The following TMCC3 variants were observed in gnomAD, a reference collection of about 807,000 sequenced individuals.
TMCC3 encodes the protein transmembrane and coiled-coil domain family 3, also known as transmembrane and coiled-coil domain protein 3.
In TMCC3, 28 loss-of-function variants were observed where a neutral mutation model predicts 40.2. The observed-to-expected ratio is 0.70, with a 90% CI of 0.52 to 0.95. TMCC3 has a LOEUF of 0.95. Among genes scored for constraint, TMCC3 ranks in the 40% least tolerant of loss-of-function variants. The pLI is 0.00. For missense variants in TMCC3, 554 were observed against 615.2 expected (o/e 0.90, Z 1.05); for synonymous variants, 255 against 248.5 (o/e 1.03, Z -0.25).
Position 94,642,798 on chromosome 12 carries a change from C to T in TMCC3, c.78+7555G>A, listed in dbSNP as rs563944152. On this transcript the variant is annotated intron_variant, in intron 1 of 3. Transcript: ENST00000261226. ...TGCTGGCACTCAACAGTGCTTTACA[C>T]GTACTACACCGTTTAATTCTCACAA... 3.3e-5 allele frequency among the ~76,000 whole-genome samples: 5 copies of T among 152,352 alleles called. No homozygotes were observed. In the South Asian group the frequency reaches 6.2e-4, roughly 19 times the overall value.
chr12:94,598,039 C>G (rs1566322659), intron 1 of TMCC3, among the ~76,000 whole-genome samples: 1 of 152,154 alleles, frequency 6.6e-6, no homozygotes, highest in Non-Finnish European at 1.5e-5. Flanking sequence ...CAGGATCATT[C>G]AAGTTTATCA....
intron 1 of TMCC3, among the ~76,000 whole-genome samples, chr12:94,600,249 T>G (rs1051872048): frequency 1.1e-4 from 17 of 149,294 alleles, no homozygotes; most frequent in East Asian, 9.8e-4. Flanking sequence ...GGTTTTTTTT[T>G]TTTTTTTTTT....
Position 94,567,220 on chromosome 12 carries a change from A to T in TMCC3, c.*4215T>A, listed in dbSNP as rs2068499921. ...CACCTGCTTTGGATTCATTGATGAC[A>T]CCACAATGGGGTGAAGATCTACAGG... On this transcript the variant is annotated 3_prime_UTR_variant, in exon 4 of 4. Transcript: ENST00000261226. 1 of 152,250 alleles carries T rather than the reference A, an allele frequency of 6.6e-6. No homozygotes were observed. The highest frequency in any genetic ancestry group is 2.4e-5 in the African/African-American group (1 of 41,468). The allele number at this position is 152,250 out of a possible 1,614,324, so 9.4% of individuals were successfully genotyped here.
intron 1 of TMCC3, among the ~76,000 whole-genome samples, chr12:94,601,808 CAAAAAAAAA>C (rs61372290): frequency 4.9e-3 from 378 of 76,708 alleles, no homozygotes; most frequent in African/African-American, 0.023. Flanking sequence ...GACCTGGTCT[CAAAAAAAAA>C]AAAAAAAAAA....
At chr12:94,584,748 G>A (rs1190375645) in intron 1 of TMCC3, among the ~76,000 whole-genome samples, 1 of 151,958 alleles carries the variant, frequency 6.6e-6, no homozygotes, top group African/African-American at 2.4e-5. Context: ...ATCTGGCAGA[G>A]GAGCACCATA....
chr12:94,643,007 A>G (rs528933982), intron 1 of TMCC3, among the ~76,000 whole-genome samples: 9 of 152,140 alleles, frequency 5.9e-5, no homozygotes, highest in Non-Finnish European at 1.2e-4. Context: ...CCTGGCCAAC[A>G]TAGTGAAACC....
chr12:94,601,533 C>T (rs1038950758), intron 1 of TMCC3, among the ~76,000 whole-genome samples: 1 of 147,990 alleles, frequency 6.8e-6, no homozygotes, highest in East Asian at 2.0e-4. Context: ...TCTCAAAAAA[C>T]AAAAAAGAAG....
chr12:94,638,440 T>C (rs977079944), intron 1 of TMCC3, among the ~76,000 whole-genome samples: 16 of 152,216 alleles, frequency 1.1e-4, no homozygotes, highest in Admixed American at 1.0e-3. Flanking sequence ...CTCTCAAGCA[T>C]CTTCACATGC....
intron 1 of TMCC3, among the ~76,000 whole-genome samples, chr12:94,636,344 T>C (rs144207975): frequency 5.1e-4 from 77 of 152,332 alleles, no homozygotes; most frequent in African/African-American, 1.8e-3. Flanking sequence ...GATACAAACC[T>C]ATAAACCAGA....
At chr12:94,642,814 A>G (rs1453387366) in intron 1 of TMCC3, among the ~76,000 whole-genome samples, 2 of 152,204 alleles carry the variant, frequency 1.3e-5, no homozygotes, top group East Asian at 1.9e-4. Flanking sequence ...ACACCGTTTA[A>G]TTCTCACAAC....
chr12:94,581,891 G>A lies in TMCC3; in HGVS notation c.726C>T (p.Ser242=), dbSNP rs139669402. Residue 242 remains serine, a synonymous_variant, in exon 2 of 4, where the codon AGC becomes AGT. Transcript: ENST00000261226. ...PEASARAYGG[S]ATIVNKPKYG... ...ACTTGGGTTTGTTCACGATGGTAGC[G>A]CTGCCCCCGTAGGCCCTGGCACTCG... is the stretch of plus-strand genomic sequence containing the variant. 2.4e-5 allele frequency: 38 copies of A among 1,614,106 alleles called. No homozygotes were observed. The highest frequency in any genetic ancestry group is 1.6e-4 in the Middle Eastern group (1 of 6,084).
intron 1 of TMCC3, among the ~76,000 whole-genome samples, chr12:94,601,484 C>T (rs1485161520): frequency 1.3e-5 from 2 of 152,042 alleles, no homozygotes; most frequent in African/African-American, 4.8e-5. Context: ...TGCCATTACA[C>T]TCACTACACT....
intron 1 of TMCC3, among the ~76,000 whole-genome samples, chr12:94,636,724 T>C (rs1249898185): frequency 3.3e-5 from 5 of 152,254 alleles, no homozygotes; most frequent in Admixed American, 6.5e-5. Flanking sequence ...TCATTGGCCC[T>C]GAAGAAACAA....
intron 1 of TMCC3, among the ~76,000 whole-genome samples, chr12:94,617,262 C>T (rs1411235823): frequency 2.0e-5 from 3 of 152,168 alleles, no homozygotes; most frequent in Non-Finnish European, 4.4e-5. Flanking sequence ...ACAGAGGAAA[C>T]AGCACTGGAG....
chr12:94,603,249 T>G lies in TMCC3; in HGVS notation c.79-20711A>C, dbSNP rs1194601188. On this transcript the variant is annotated intron_variant, in intron 1 of 3. Transcript: ENST00000261226. The stretch of plus-strand genomic sequence containing the variant: ...ACAGACGTGCACCACCACGCCTGGC[T>G]AATTTTTTTATTTTTAGTAGAGATG... Among the ~76,000 whole-genome samples the G allele has an allele frequency of 2.0e-5, 3 of 152,260 alleles. No homozygotes were observed. In the East Asian group the frequency reaches 5.8e-4, roughly 29 times the overall value.
intron 1 of TMCC3, among the ~76,000 whole-genome samples, chr12:94,636,593 C>A (rs1299575752): frequency 6.6e-6 from 1 of 152,194 alleles, no homozygotes; most frequent in African/African-American, 2.4e-5. Flanking sequence ...ATAATTAAGG[C>A]CCCTAATCAG....
At chr12:94,624,901 G>T (rs1033380427) in intron 1 of TMCC3, among the ~76,000 whole-genome samples, 3 of 152,080 alleles carry the variant, frequency 2.0e-5, no homozygotes, top group Non-Finnish European at 4.4e-5. Flanking sequence ...AGCACTTTGG[G>T]AGGCCGAGGC....
At chr12:94,605,960 T>C (rs1197133074) in intron 1 of TMCC3, among the ~76,000 whole-genome samples, 1 of 152,014 alleles carries the variant, frequency 6.6e-6, no homozygotes, top group Admixed American at 6.6e-5. Context: ...GTACTAACTA[T>C]GACTAAAATT....
chr12:94,569,240 G>C lies in TMCC3; in HGVS notation c.*2195C>G, dbSNP rs1005630109. 1 of 152,290 alleles carries C rather than the reference G, an allele frequency of 6.6e-6. No homozygotes were observed. The highest frequency in any genetic ancestry group is 2.1e-4 in the South Asian group (1 of 4,836). The allele number at this position is 152,290 out of a possible 1,614,324, so 9.4% of individuals were successfully genotyped here. ...CCAAGAGGGGCCCACCCAGGCCCCA[G>C]CTTGATTTAGGAGTGTAAGTTACAC... On this transcript the variant is annotated 3_prime_UTR_variant, in exon 4 of 4. Coordinates refer to ENST00000261226, the MANE Select transcript of TMCC3 (RefSeq NM_020698.4).
Sources: gnomAD v4.1 joint callset for allele counts (sites outside exome capture counted in the v4.1 genomes callset) on GRCh38, gnomAD v4.1.1 for gene constraint, MANE v1.5 for transcripts, NCBI Gene and HGNC (gene_info 2026-07-23, HGNC 2026-07-21) for gene names.